Variants in CSNK1E observed in about 807,000 individuals in gnomAD.
The protein encoded by CSNK1E is casein kinase I isoform epsilon.
CSNK1E carries 17 observed loss-of-function variants against 46.1 expected under a neutral mutation model. The observed-to-expected ratio is 0.37, with a 90% CI of 0.25 to 0.55. The LOEUF (loss-of-function observed/expected upper bound fraction) is 0.55. Ranked by LOEUF, CSNK1E falls within the 20% of genes least tolerant of loss-of-function variation. The probability of loss-of-function intolerance (pLI) is 0.82; values close to 1 mark genes in which losing one functional copy is unlikely to be tolerated. For missense variants in CSNK1E, 386 were observed against 595.4 expected (o/e 0.65, Z 3.66); for synonymous variants, 241 against 242.6 (o/e 0.99, Z 0.06).
intron 1 of CSNK1E, among the ~76,000 whole-genome samples, chr22:38,316,286 T>C (rs1307453426): frequency 6.6e-6 from 1 of 152,054 alleles, no homozygotes; most frequent in Non-Finnish European, 1.5e-5. Flanking sequence ...AAAATAAAAA[T>C]TGAAGGGACA....
At chr22:38,311,099 G>T (rs999376678) in intron 2 of CSNK1E, among the ~76,000 whole-genome samples, 2 of 152,162 alleles carry the variant, frequency 1.3e-5, no homozygotes, top group Non-Finnish European at 2.9e-5. Context: ...CAGACCCTTC[G>T]AAATCAACTC....
chr22:38,309,412 C>T lies in CSNK1E; in HGVS notation c.76+4670G>A, dbSNP rs1229941432. Among the ~76,000 whole-genome samples, 1 of 152,112 alleles carries T rather than the reference C, an allele frequency of 6.6e-6. No homozygotes were observed. Among genetic ancestry groups the T allele is most frequent in the Non-Finnish European group, 1.5e-5 (1 of 68,008 alleles). On this transcript the variant is annotated intron_variant, in intron 2 of 10. Transcript: ENST00000396832. This position sits in a 1 kb window ranked among gnomAD's most constrained non-coding sequence, Gnocchi z 4.8. ...GGTAGTGGTAGACAGGGCCCTCTTC[C>T]CCTCGAGCCCTTACTCCACTCTTCG...
In CSNK1E at chr22:38,298,975, C is replaced by G. The variant is rs202153154; in HGVS notation, c.737-41G>C. 4.2e-5 allele frequency: 67 copies of G among 1,611,224 alleles called. 1 individual carries two copies. The East Asian group carries it at 1.1e-3, about 26-fold the overall frequency. Reference sequence around the variant, plus strand: ...GAGGATAGAGAAGGCCACTGTGAGGCCCACGCTCCCAGACCCCCTGCAGCC... The same window carrying G: ...GAGGATAGAGAAGGCCACTGTGAGGGCCACGCTCCCAGACCCCCTGCAGCC... On this transcript the variant is annotated intron_variant, in intron 6 of 10. Transcript: ENST00000396832. This position sits in a 1 kb window ranked among gnomAD's most constrained non-coding sequence, Gnocchi z 4.2.
At chr22:38,301,095 A>C in intron 4 of CSNK1E, 143 bp from the exon 5 acceptor site, 8 of 667,098 alleles carry the variant, frequency 1.2e-5, no homozygotes, top group Non-Finnish European at 2.1e-5. Context: ...GGGGCAGGCC[A>C]GAGAAGGCCT....
In CSNK1E at chr22:38,298,936, T is replaced by C; in HGVS notation, c.737-2A>G. On this transcript the variant is annotated splice_acceptor_variant, in intron 6 of 10. Coordinates refer to ENST00000396832, the MANE Select transcript of CSNK1E (RefSeq NM_152221.3). LOFTEE classifies it high-confidence loss of function. The surrounding 1 kb of genome is among the most constrained non-coding windows in gnomAD (Gnocchi z 4.2). ...AGTTGAGGTATGTTGAGAATTCGGC[T>C]GGAGGGTGTTGCAGAGGATAGAGAA... is the stretch of plus-strand genomic sequence containing the variant. 6.2e-7 allele frequency: 1 copy of C among 1,614,126 alleles called. No individual in the cohort carries two copies. The highest frequency in any genetic ancestry group is 8.5e-7 in the Non-Finnish European group (1 of 1,180,004).
chr22:38,314,910 C>G (rs2092737236), intron 1 of CSNK1E, among the ~76,000 whole-genome samples: 1 of 152,164 alleles, frequency 6.6e-6, no homozygotes, highest in Non-Finnish European at 1.5e-5. Context: ...CCCCTCTGCT[C>G]TGGCCTGGGG....
In CSNK1E at chr22:38,294,536, T is replaced by C; in HGVS notation, c.886-2A>G. ...ATCCTCGGGATTCCGGGCTGCACCC[T>C]GCAGGGATGCAAGAAAAGACACCAG... On this transcript the variant is annotated splice_acceptor_variant, in intron 7 of 10. Coordinates refer to ENST00000396832, the MANE Select transcript of CSNK1E (RefSeq NM_152221.3). LOFTEE classifies it high-confidence loss of function. The surrounding 1 kb of genome is among the most constrained non-coding windows in gnomAD (Gnocchi z 5.5). 1.3e-6 allele frequency: 2 copies of C among 1,577,854 alleles called. No homozygotes were observed. Among genetic ancestry groups the C allele is most frequent in the Non-Finnish European group, 1.7e-6 (2 of 1,163,788 alleles).
At position 38,294,357 on chromosome 22, in the gene CSNK1E, G is replaced by A. The variant is rs1357921627; in HGVS notation, c.1063C>T (p.Arg355Cys). The A allele has an allele frequency of 7.6e-6, 12 of 1,568,850 alleles. No homozygotes were observed. Among genetic ancestry groups the A allele is most frequent in the Middle Eastern group, 3.4e-4 (2 of 5,852 alleles). The change falls in exon 8 of 11, where the codon CGC becomes TGC. Residue 355 changes from arginine to cysteine, a missense_variant. By Grantham distance (180) the Arg-to-Cys change is radical. Coordinates refer to ENST00000396832, the MANE Select transcript of CSNK1E (RefSeq NM_152221.3). The surrounding 1 kb of genome is among the most constrained non-coding windows in gnomAD (Gnocchi z 5.5). ...AEPVASTPASRIQPAGNTSPR... is the reference protein window; with the variant it reads ...AEPVASTPASCIQPAGNTSPR... Reference sequence around the variant, plus strand: ...CCCTGCTCACCAGCCGGCTGGATGCGGGAGGCTGGCGTGGAAGCCACGGGC... The same window carrying A: ...CCCTGCTCACCAGCCGGCTGGATGCAGGAGGCTGGCGTGGAAGCCACGGGC...
intron 7 of CSNK1E, chr22:38,297,223 C>A (rs754814552): frequency 1.8e-4 from 138 of 747,348 alleles, no homozygotes; most frequent in Non-Finnish European, 4.2e-5. Context: ...ACGAACCAGA[C>A]GTGGGAGTGA....
At chr22:38,301,921 G>A (rs2145837505) in intron 4 of CSNK1E, among the ~76,000 whole-genome samples, 1 of 107,284 alleles carries the variant, frequency 9.3e-6, no homozygotes, top group Non-Finnish European at 2.1e-5. Flanking sequence ...TAAAACCCCT[G>A]TACGAGATCT....
At position 38,294,096 on chromosome 22, in the gene CSNK1E, G is replaced by T; in HGVS notation, c.1218+13C>A. 1 of 1,606,994 alleles carries T rather than the reference G, an allele frequency of 6.2e-7. No individual in the cohort carries two copies. On this transcript the variant is annotated intron_variant, in intron 9 of 10. Transcript: ENST00000396832. The surrounding 1 kb of genome is among the most constrained non-coding windows in gnomAD (Gnocchi z 5.5). ...TTCTGAGGCCCAGAGGGACTGGCAGGGGGGCAGCTCACCTGTGAGGCTGGG... is the reference window on the plus strand; with the variant it reads ...TTCTGAGGCCCAGAGGGACTGGCAGTGGGGCAGCTCACCTGTGAGGCTGGG...
At chr22:38,314,862 G>C (rs770651917) in intron 1 of CSNK1E, among the ~76,000 whole-genome samples, 14 of 152,144 alleles carry the variant, frequency 9.2e-5, no homozygotes, top group Non-Finnish European at 1.5e-4. Flanking sequence ...TCAGGGCCAG[G>C]GGGGAGCCCT....
Position 38,300,743 on chromosome 22 carries a change from G to T in CSNK1E, c.546C>A (p.Ile182=). 6.2e-7 allele frequency: 1 copy of T among 1,614,222 alleles called. No homozygotes were observed. Among genetic ancestry groups the T allele is most frequent in the South Asian group, 1.1e-5 (1 of 91,086 alleles). The part of the protein sequence containing the change: ...NLTGTARYAS[I]NTHLGIEQSR... ...CCTCACCAATGCCCAGGTGCGTGTT[G>T]ATGGAAGCGTAGCGGGCCGTGCCGG... Residue 182 remains isoleucine (I), a synonymous_variant, in exon 5 of 11, where the codon ATC becomes ATA. Coordinates refer to ENST00000396832, the MANE Select transcript of CSNK1E (RefSeq NM_152221.3). This position sits in a 1 kb window ranked among gnomAD's most constrained non-coding sequence, Gnocchi z 4.4.
chr22:38,293,326 A>C lies in CSNK1E; in HGVS notation c.1219-7T>G. 1 of 1,459,760 alleles carries C rather than the reference A, an allele frequency of 6.9e-7. No homozygotes were observed. Among genetic ancestry groups the C allele is most frequent in the Non-Finnish European group, 9.4e-7 (1 of 1,059,566 alleles). The allele number at this position is 1,459,760 out of a possible 1,614,324, so 90.4% of individuals were successfully genotyped here. A position where few individuals can be genotyped will look rare whatever the true frequency, so the allele number is the denominator to read the frequency against. On this transcript the variant is annotated splice_polypyrimidine_tract_variant and splice_region_variant and intron_variant, in intron 9 of 10. Coordinates refer to ENST00000396832, the MANE Select transcript of CSNK1E (RefSeq NM_152221.3). ...GGTCAAATGGCACACTTGTCTTTTG[A>C]GGGTGGGGAGGGAGAGAGGGGGAGG...
At chr22:38,295,972 G>A (rs2092638460) in intron 7 of CSNK1E, among the ~76,000 whole-genome samples, 2 of 152,262 alleles carry the variant, frequency 1.3e-5, no homozygotes, top group South Asian at 4.1e-4. Context: ...CCTTCTGCGG[G>A]CAGAGTCACA....
intron 7 of CSNK1E, chr22:38,296,663 AGTGGGTGGAGAGGTG>A: frequency 1.9e-6 from 3 of 1,612,846 alleles, no homozygotes; most frequent in Non-Finnish European, 2.5e-6. Context: ...GACCAGCAGC[AGTGGGTGGAGAGGTG>A]CTCCTGGCCT....
intron 2 of CSNK1E, among the ~76,000 whole-genome samples, chr22:38,312,095 C>G (rs994547979): frequency 1.3e-5 from 2 of 152,116 alleles, no homozygotes; most frequent in Admixed American, 6.6e-5. Flanking sequence ...TGAGCCATAT[C>G]TCCTGGCCTC....
chr22:38,295,381 C>T (rs760029415), intron 7 of CSNK1E: 17 of 983,072 alleles, frequency 1.7e-5, no homozygotes, highest in South Asian at 4.7e-5. Flanking sequence ...CGCCCGACTG[C>T]GTTACCTAGT....
At chr22:38,296,710 G>A (rs1428660127) in intron 7 of CSNK1E, 1 of 1,608,596 alleles carries the variant, frequency 6.2e-7, no homozygotes, top group African/African-American at 1.3e-5. Flanking sequence ...AGATCTTGCT[G>A]GCTAGACAGT....
Sources: gnomAD v4.1 joint callset for allele counts (sites outside exome capture counted in the v4.1 genomes callset) on GRCh38, gnomAD v4.1.1 for gene constraint, Gnocchi (gnomAD v3.1) non-coding constraint, MANE v1.5 for transcripts, NCBI Gene and HGNC (gene_info 2026-07-23, HGNC 2026-07-21) for gene names.